NTNG1: variants seen among roughly 807,000 people sequenced by gnomAD.
NTNG1 encodes netrin-G1.
In NTNG1, 16 loss-of-function variants were observed where a neutral mutation model predicts 54.0. That is an observed-to-expected ratio of 0.30 (90% CI 0.20 to 0.45). The LOEUF is 0.45. Among genes scored for constraint, NTNG1 ranks in the 20% least tolerant of loss-of-function variants. The pLI is 1.00. For synonymous variants in NTNG1, 255 were observed against 263.1 expected, an observed-to-expected ratio of 0.97 and a Z score of 0.30; for missense variants, 530 against 678.7, an observed-to-expected ratio of 0.78 and a Z score of 2.43.
intron 7 of NTNG1, among the ~76,000 whole-genome samples, chr1:107,445,500 G>A (rs1231748817): frequency 6.6e-6 from 1 of 152,092 alleles, no homozygotes; most frequent in Non-Finnish European, 1.5e-5. Context: ...CATTCCACAG[G>A]AGAAGATTAT....
At chr1:107,392,880 A>T (rs1672453050) in intron 3 of NTNG1, among the ~76,000 whole-genome samples, 1 of 152,178 alleles carries the variant, frequency 6.6e-6, no homozygotes, top group Non-Finnish European at 1.5e-5. Context: ...AAATCAGAAG[A>T]GTAGAACTCA....
chr1:107,469,610 C>T (rs1677847863), intron 7 of NTNG1, among the ~76,000 whole-genome samples: 1 of 152,104 alleles, frequency 6.6e-6, no homozygotes, highest in Non-Finnish European at 1.5e-5. Context: ...AACCTCCCCA[C>T]CATGCCCAGC....
chr1:107,199,438 G>T (rs1433476701), intron 2 of NTNG1, among the ~76,000 whole-genome samples: 1 of 151,790 alleles, frequency 6.6e-6, no homozygotes, highest in Middle Eastern at 3.2e-3. Context: ...GTATTAAATT[G>T]TATTGCAGTC....
chr1:107,366,666 C>T (rs1208266505), intron 3 of NTNG1, among the ~76,000 whole-genome samples: 3 of 152,178 alleles, frequency 2.0e-5, no homozygotes, highest in Non-Finnish European at 4.4e-5. Context: ...ATATAAGCTA[C>T]TAGGACAAAA....
intron 3 of NTNG1, among the ~76,000 whole-genome samples, chr1:107,329,943 A>G (rs1275357764): frequency 6.6e-6 from 1 of 152,138 alleles, no homozygotes; most frequent in Non-Finnish European, 1.5e-5. Context: ...AAGTGATTTT[A>G]CTGTGTGAAT....
At position 107,319,577 on chromosome 1, in the gene NTNG1, T is replaced by C. The variant is rs1343392234; in HGVS notation, c.247-4705T>C. On this transcript the variant is annotated intron_variant, in intron 2 of 7. Coordinates refer to ENST00000370068, the MANE Select transcript of NTNG1 (RefSeq NM_001113226.3). Reference sequence around the variant, plus strand: ...TTCTTGCCTTTGTGTCTTTTTTGACTGTCACCAATAAAACAAGCAAGGATA... The same window carrying C: ...TTCTTGCCTTTGTGTCTTTTTTGACCGTCACCAATAAAACAAGCAAGGATA... Among the ~76,000 whole-genome samples the C allele has an allele frequency of 2.6e-5, 4 of 152,228 alleles. No homozygotes were observed. In the East Asian group the frequency reaches 5.8e-4, roughly 22 times the overall value.
intron 2 of NTNG1, among the ~76,000 whole-genome samples, chr1:107,285,117 T>C (rs553189122): frequency 1.8e-4 from 27 of 152,216 alleles, no homozygotes; most frequent in African/African-American, 6.0e-4. Context: ...TGTAGGAAAA[T>C]ATGGATTAAA....
intron 2 of NTNG1, among the ~76,000 whole-genome samples, chr1:107,291,726 G>A (rs544864005): frequency 1.3e-5 from 2 of 152,172 alleles, no homozygotes; most frequent in African/African-American, 4.8e-5. Context: ...GAAAATACAA[G>A]TGAATAGTTA....
intron 5 of NTNG1, chr1:107,418,607 C>G: frequency 1.2e-6 from 2 of 1,603,426 alleles, no homozygotes; most frequent in Non-Finnish European, 1.7e-6. Context: ...AGGATATGGC[C>G]GAATATTTCT....
chr1:107,419,433 A>AAAAGAAAAAAG (rs1674438210), intron 5 of NTNG1, among the ~76,000 whole-genome samples: 1 of 152,020 alleles, frequency 6.6e-6, no homozygotes, highest in South Asian at 2.1e-4. Context: ...GAAAAAAGAA[A>AAAAGAAAAAAG]ACAACACTGA....
At chr1:107,391,250 C>A (rs1672338120) in intron 3 of NTNG1, among the ~76,000 whole-genome samples, 2 of 152,164 alleles carry the variant, frequency 1.3e-5, no homozygotes, top group African/African-American at 4.8e-5. Flanking sequence ...AGAGCTTGGA[C>A]TCTATCCTGA....
intron 2 of NTNG1, among the ~76,000 whole-genome samples, chr1:107,309,589 GC>G (rs1255500897): frequency 6.6e-6 from 1 of 152,124 alleles, no homozygotes; most frequent in Non-Finnish European, 1.5e-5. Flanking sequence ...TTCTTTGTAT[GC>G]CCACTACTGG....
chr1:107,267,532 C>T (rs551466753), intron 2 of NTNG1, among the ~76,000 whole-genome samples: 4 of 152,266 alleles, frequency 2.6e-5, no homozygotes, highest in East Asian at 3.9e-4. Flanking sequence ...TCACTACCAA[C>T]GTCTATCAAT....
In NTNG1 at chr1:107,405,867, CA is replaced by C. The variant is rs559503514; in HGVS notation, c.1061-1806del. On this transcript the variant is annotated intron_variant, in intron 4 of 7. Coordinates refer to ENST00000370068, the MANE Select transcript of NTNG1 (RefSeq NM_001113226.3). Reference sequence around the variant, plus strand: ...CATATCTCACTCAACAGAGGATTTGCAAAAAAAAATAAAGATTCAGTATCAA... The same window carrying C: ...CATATCTCACTCAACAGAGGATTTGCAAAAAAAATAAAGATTCAGTATCAA... 9.2e-3 allele frequency among the ~76,000 whole-genome samples: 1,367 copies of C among 148,914 alleles called. 18 individuals carry two copies. The highest frequency in any genetic ancestry group is 0.027 in the African/African-American group (1,108 of 40,646).
chr1:107,282,493 A>G (rs1184205765), intron 2 of NTNG1, among the ~76,000 whole-genome samples: 1 of 152,116 alleles, frequency 6.6e-6, no homozygotes, highest in South Asian at 2.1e-4. Context: ...AAGGTAAGAC[A>G]TTTCTGTAAC....
At chr1:107,449,004 A>G (rs982941338) in intron 7 of NTNG1, among the ~76,000 whole-genome samples, 6 of 152,140 alleles carry the variant, frequency 3.9e-5, no homozygotes, top group African/African-American at 1.4e-4. Context: ...GAGAACATAA[A>G]ATTTGATGGC....
intron 2 of NTNG1, among the ~76,000 whole-genome samples, chr1:107,276,739 ATAAAC>A (rs1374264298): frequency 6.6e-6 from 1 of 152,162 alleles, no homozygotes; most frequent in Non-Finnish European, 1.5e-5. Context: ...TGTTCGATGA[ATAAAC>A]TAATGTGTAC....
intron 3 of NTNG1, among the ~76,000 whole-genome samples, chr1:107,368,918 C>T (rs1306031268): frequency 6.6e-6 from 1 of 152,182 alleles, no homozygotes; most frequent in African/African-American, 2.4e-5. Flanking sequence ...GTGAAGCCAT[C>T]ACCACAAGCT....
intron 2 of NTNG1, among the ~76,000 whole-genome samples, chr1:107,198,562 T>C (rs1658507162): frequency 6.6e-6 from 1 of 151,944 alleles, no homozygotes; most frequent in Non-Finnish European, 1.5e-5. Context: ...AGTACTTGTG[T>C]GTCTGCTTCT....
Sources: gnomAD v4.1 joint callset for allele counts (sites outside exome capture counted in the v4.1 genomes callset) on GRCh38, gnomAD v4.1.1 for gene constraint, MANE v1.5 for transcripts, NCBI Gene and HGNC (gene_info 2026-07-23, HGNC 2026-07-21) for gene names.